The following ERI2 variants were observed in gnomAD, a reference collection of about 807,000 sequenced individuals.
ERI2 encodes ERI1 exoribonuclease family member 2.
In ERI2, 35 loss-of-function variants were observed where a neutral mutation model predicts 46.8. That is an observed-to-expected ratio of 0.75 (90% CI 0.57 to 0.99). The LOEUF (loss-of-function observed/expected upper bound fraction) is 0.99. Ranked by LOEUF, ERI2 falls within the 50% of genes least tolerant of loss-of-function variation. ERI2 has a pLI of 0.00. For missense variants in ERI2, 695 were observed against 796.2 expected, an observed-to-expected ratio of 0.87 and a Z score of 1.53; for synonymous variants, 224 against 271.0, an observed-to-expected ratio of 0.83 and a Z score of 1.70.
intron 3 of ERI2, 52 bp from the exon 4 acceptor site, chr16:20,802,975 T>C: frequency 6.7e-7 from 1 of 1,486,052 alleles, no homozygotes; most frequent in Non-Finnish European, 9.1e-7. Context: ...TTTAAATTAA[T>C]CCTGTAATCA....
In ERI2 at chr16:20,790,294, A is replaced by G. The variant is rs995904182; in HGVS notation, c.815+556T>C. Among the ~76,000 whole-genome samples the G allele has an allele frequency of 2.0e-5, 3 of 152,164 alleles. No individual in the cohort carries two copies. The highest frequency in any genetic ancestry group is 7.2e-5 in the African/African-American group (3 of 41,450). On this transcript the variant is annotated intron_variant, in intron 9 of 10. Transcript: ENST00000300005. The surrounding 1 kb of genome is among the most constrained non-coding windows in gnomAD (Gnocchi z 4.0). ...TCCCTCATCCCTACAAAAAATAAAA[A>G]TAAACATTAGCTGAGCATAATGACA... is the stretch of plus-strand genomic sequence containing the variant.
chr16:20,783,700 C>T (rs921406922), intron 10 of ERI2: 5 of 152,154 alleles, frequency 3.3e-5, no homozygotes, highest in African/African-American at 1.2e-4. Flanking sequence ...TTGCTTCAAA[C>T]CTTGTCCCCA....
chr16:20,796,631 A>G lies in ERI2; in HGVS notation c.*1093T>C. 6.7e-7 allele frequency: 1 copy of G among 1,499,556 alleles called. No homozygotes were observed. The highest frequency in any genetic ancestry group is 8.8e-7 in the Non-Finnish European group (1 of 1,132,898). 92.9% of individuals were successfully genotyped at this position (1,499,556 alleles called of 1,614,324 possible). On this transcript the variant is annotated 3_prime_UTR_variant, in exon 9 of 9. Coordinates refer to ENST00000357967, the MANE Select transcript of ERI2 (RefSeq NM_001142725.2). ...AACTGATGACATATGGGTAAGAATC[A>G]GAATCTTTGAGATTAAAATGAAACC...
intron 4 of ERI2, among the ~76,000 whole-genome samples, chr16:20,801,795 G>A (rs1352717818): frequency 2.0e-5 from 3 of 151,632 alleles, no homozygotes; most frequent in Non-Finnish European, 2.9e-5. Context: ...GTCTTGCTTT[G>A]TTGCCCAGGG....
chr16:20,798,005 A>G lies in ERI2; in HGVS notation c.1795T>C (p.Cys599Arg). The change falls in exon 9 of 9, where the codon TGT becomes CGT. Residue 599 changes from cysteine (C) to arginine (R), a missense_variant. Physicochemically the swap from Cys to Arg is radical, Grantham distance 180. Transcript: ENST00000357967. ...SGKMTPPLCK[C>R]GRRSKRLVVS... The stretch of plus-strand genomic sequence containing the variant: ...ACAAGTCTCTTAGATCTCCGACCAC[A>G]CTTGCATAATGGAGGTGTCATTTTC... The G allele has an allele frequency of 6.4e-7, 1 of 1,551,932 alleles. No homozygotes were observed. The highest frequency in any genetic ancestry group is 2.4e-5 in the East Asian group (1 of 40,920).
At chr16:20,792,173 C>T (rs371275053), downstream of ERI2, 43 of 1,613,840 alleles carry the variant, frequency 2.7e-5, no homozygotes, top group African/African-American at 5.3e-4. Flanking sequence ...GTTAACTGAT[C>T]ATCAGTGTTC....
Position 20,803,440 on chromosome 16 carries a change from C to T in ERI2, c.168G>A (p.Gln56=), listed in dbSNP as rs374079400. The T allele has an allele frequency of 1.9e-5, 31 of 1,613,402 alleles. No individual in the cohort carries two copies. In the African/African-American group the frequency reaches 3.3e-4, roughly 17 times the overall value. The change falls in exon 3 of 9, where the codon CAG becomes CAA. Residue 56 remains glutamine, a synonymous_variant. Transcript: ENST00000357967. ...CWNDGKHHHS[Q]EIIEFPAVLL... ...TTCGTAGCCCAGACTTACTTATTTC[C>T]TGGCTATGGTGGTGCTTCCCATCAT...
Position 20,802,861 on chromosome 16 carries a change from A to G in ERI2, c.238T>C (p.Tyr80His). 3 of 1,611,782 alleles carry G rather than the reference A, an allele frequency of 1.9e-6. No homozygotes were observed. Among genetic ancestry groups the G allele is most frequent in the Non-Finnish European group, 2.5e-6 (3 of 1,178,282 alleles). The change falls in exon 4 of 9, where the codon TAT (tyrosine) becomes CAT (histidine). Residue 80 changes from tyrosine to histidine, a missense_variant. By Grantham distance (83) the Tyr-to-His change is moderately conservative. Transcript: ENST00000357967. ...TGQIDSEFQA[Y>H]VQPQEHPILS... Reference sequence around the variant, plus strand: ...ATTGGATGTTCCTGAGGTTGAACATAAGCCTGGAACTCAGAGTCAATCTGT... The same window carrying G: ...ATTGGATGTTCCTGAGGTTGAACATGAGCCTGGAACTCAGAGTCAATCTGT...
downstream of ERI2, chr16:20,792,386 ATACT>A (rs753625620): frequency 1.5e-5 from 24 of 1,603,516 alleles, no homozygotes; most frequent in African/African-American, 2.4e-4. Flanking sequence ...AATTTAACAC[ATACT>A]TACAAACAGT....
At chr16:20,781,037 G>A (rs770713919) in intron 10 of ERI2, 4 of 1,614,198 alleles carry the variant, frequency 2.5e-6, no homozygotes, top group Admixed American at 3.3e-5. Context: ...GCTGGGCAAA[G>A]TCTGCATGGA....
At position 20,798,173 on chromosome 16, in the gene ERI2, G is replaced by A. The variant is rs1374000953; in HGVS notation, c.1627C>T (p.Pro543Ser). ...GTGAAGGGTTGTTTTTTTGCTGGTG[G>A]GAAAGCTTGGGGACTGCATGGATTC... ...KRNPCSPQAFPPAKKQPFTIH... is the reference protein window; with the variant it reads ...KRNPCSPQAFSPAKKQPFTIH... Residue 543 changes from proline to serine, a missense_variant, in exon 9 of 9, where the codon CCA becomes TCA. Transcript: ENST00000357967. 3 of 1,551,400 alleles carry A rather than the reference G, an allele frequency of 1.9e-6. No individual in the cohort carries two copies. The African/African-American group carries it at 4.1e-5, about 21-fold the overall frequency.
intron 3 of ERI2, 37 bp from the exon 4 acceptor site, chr16:20,802,960 T>C: frequency 6.6e-7 from 1 of 1,519,898 alleles, no homozygotes; most frequent in Non-Finnish European, 8.9e-7. Flanking sequence ...GTTGAATAAA[T>C]AATTTTTAAA....
At chr16:20,789,684 C>CT (rs561663756) in intron 9 of ERI2, 37,227 of 442,960 alleles carry the variant, frequency 0.084, 75 homozygotes, top group South Asian at 0.1. Context: ...CTCTATTTTT[C>CT]TTTTTTTTTT....
At chr16:20,782,811 C>A (rs1201092425) in intron 10 of ERI2, among the ~76,000 whole-genome samples, 1 of 152,190 alleles carries the variant, frequency 6.6e-6, no homozygotes, top group Non-Finnish European at 1.5e-5. Flanking sequence ...TTACATTTCC[C>A]AGCTTATTAT....
At chr16:20,780,700 T>C in exon 11 of ERI2, 2 of 1,614,178 alleles carry the variant, frequency 1.2e-6, no homozygotes, top group South Asian at 1.1e-5. Context: ...GTCATTGTAG[T>C]TTTTCCTTTG....
chr16:20,797,480 TTA>T lies in ERI2; in HGVS notation c.*242_*243del, dbSNP rs2080743417. 9.1e-7 allele frequency: 1 copy of T among 1,093,374 alleles called. No homozygotes were observed. The highest frequency in any genetic ancestry group is 4.0e-4 in the Middle Eastern group (1 of 2,496). 67.7% of individuals were successfully genotyped at this position (1,093,374 alleles called of 1,614,324 possible). On this transcript the variant is annotated 3_prime_UTR_variant, in exon 9 of 9. Coordinates refer to ENST00000357967, the MANE Select transcript of ERI2 (RefSeq NM_001142725.2). ...ATTAGTCACATTTTTTGCAAATAAT[TTA>T]AAAATAGTTTAGACTTGTTTCAAGG...
intron 10 of ERI2, among the ~76,000 whole-genome samples, chr16:20,784,026 G>A (rs748996808): frequency 7.2e-5 from 11 of 152,122 alleles, no homozygotes; most frequent in Non-Finnish European, 1.3e-4. Context: ...GGCAGGTCTC[G>A]AACTCCTGAT....
chr16:20,800,260 T>C (rs768283694), intron 6 of ERI2, 42 bp downstream of exon 6: 1 of 1,362,814 alleles, frequency 7.3e-7, no homozygotes, highest in Non-Finnish European at 1.0e-6. Flanking sequence ...TAATCATTTT[T>C]CCATAGAAAA....
Position 20,798,483 on chromosome 16 carries a change from A to C in ERI2, c.1317T>G (p.Asn439Lys). The change falls in exon 9 of 9, where the codon AAT becomes AAG. Residue 439 changes from asparagine (N) to lysine (K), a missense_variant. By Grantham distance (94) the Asn-to-Lys change is moderately conservative. Coordinates refer to ENST00000357967, the MANE Select transcript of ERI2 (RefSeq NM_001142725.2). ...ISDSDLEISF[N>K]SGERLMVLKE... ...TCAAAACCATTAATCTTTCTCCAGA[A>C]TTAAATGAAATCTCTAAGTCTGAGT... 1.3e-6 allele frequency: 2 copies of C among 1,551,558 alleles called. No homozygotes were observed. The highest frequency in any genetic ancestry group is 2.4e-5 in the South Asian group (2 of 84,040).
Sources: gnomAD v4.1 joint callset for allele counts (sites outside exome capture counted in the v4.1 genomes callset) on GRCh38, gnomAD v4.1.1 for gene constraint, Gnocchi (gnomAD v3.1) non-coding constraint, MANE v1.5 for transcripts, NCBI Gene and HGNC (gene_info 2026-07-23, HGNC 2026-07-21) for gene names.